The following MAP7 variants were observed in gnomAD, a reference collection of about 807,000 sequenced individuals.
MAP7 encodes the protein ensconsin.
In MAP7, 52 loss-of-function variants were observed where a neutral mutation model predicts 94.8. That is an observed-to-expected ratio of 0.55 (90% CI 0.44 to 0.69). The LOEUF (loss-of-function observed/expected upper bound fraction) is 0.69, where lower values mean the gene tolerates loss of function less well. Among genes scored for constraint, MAP7 ranks in the 30% least tolerant of loss-of-function variants. MAP7 has a pLI of 0.00. For synonymous variants in MAP7, 350 were observed against 357.0 expected (o/e 0.98, Z 0.22); for missense variants, 940 against 964.6 (o/e 0.97, Z 0.34).
intron 6 of MAP7, among the ~76,000 whole-genome samples, chr6:136,383,213 A>G (rs1266821828): frequency 6.6e-6 from 1 of 152,256 alleles, no homozygotes; most frequent in Non-Finnish European, 1.5e-5. Flanking sequence ...ATTTGGTTAA[A>G]TGAGAAGTAA....
chr6:136,455,875 AT>A (rs569510228), intron 1 of MAP7, among the ~76,000 whole-genome samples: 102 of 152,322 alleles, frequency 6.7e-4, no homozygotes, highest in African/African-American at 2.2e-3. Context: ...GAAAATTTCC[AT>A]TTGTAGAGAT....
At chr6:136,480,606 C>A (rs1485018673) in intron 1 of MAP7, among the ~76,000 whole-genome samples, 1 of 130,158 alleles carries the variant, frequency 7.7e-6, no homozygotes, top group Non-Finnish European at 1.6e-5. Context: ...TGCGCCACTG[C>A]ACTCCAGCCT....
Position 136,360,999 on chromosome 6 carries a change from C to G in MAP7, c.1701+6G>C, listed in dbSNP as rs367719327. On this transcript the variant is annotated splice_donor_region_variant and intron_variant, in intron 12 of 17. Coordinates refer to ENST00000354570, the MANE Select transcript of MAP7 (RefSeq NM_003980.6). ...GGGCCGGGGCCAGGGTGGGGTGCGG[C>G]CGCACCTGCCTCTGGGCGCGCTCTG... is the stretch of plus-strand genomic sequence containing the variant. The G allele has an allele frequency of 1.1e-4, 174 of 1,562,518 alleles. 1 individual carries two copies. The African/African-American group carries it at 2.2e-3, about 20-fold the overall frequency.
intron 15 of MAP7, 37 bp from the exon 16 acceptor site, chr6:136,356,831 A>G: frequency 1.3e-6 from 2 of 1,536,414 alleles, no homozygotes; most frequent in Non-Finnish European, 1.8e-6. Flanking sequence ...CAGGGTTACT[A>G]ATATTCTTTT....
chr6:136,405,387 C>T (rs373634220), intron 3 of MAP7, among the ~76,000 whole-genome samples: 46 of 152,222 alleles, frequency 3.0e-4, no homozygotes, highest in African/African-American at 8.2e-4. Flanking sequence ...GAGAAGGCCT[C>T]GCTGAGAAGG....
intron 1 of MAP7, among the ~76,000 whole-genome samples, chr6:136,530,173 C>T (rs1036534808): frequency 6.6e-6 from 1 of 152,106 alleles, no homozygotes; most frequent in Non-Finnish European, 1.5e-5. Flanking sequence ...GTGAGCTTTA[C>T]AAAAACATTA....
At chr6:136,415,818 A>G (rs970496153) in intron 2 of MAP7, among the ~76,000 whole-genome samples, 26 of 152,340 alleles carry the variant, frequency 1.7e-4, no homozygotes, top group Middle Eastern at 3.4e-3. Flanking sequence ...GTCCATCAAC[A>G]TTAGTGCTGA....
chr6:136,370,585 A>G (rs1035994850), intron 8 of MAP7, among the ~76,000 whole-genome samples: 1 of 152,238 alleles, frequency 6.6e-6, no homozygotes, highest in Non-Finnish European at 1.5e-5. Flanking sequence ...CCTAAAAAGG[A>G]AGGAAATTCT....
intron 3 of MAP7, among the ~76,000 whole-genome samples, chr6:136,408,770 CT>C (rs1280320781): frequency 2.0e-5 from 3 of 151,694 alleles, no homozygotes; most frequent in Admixed American, 6.6e-5. Flanking sequence ...TGCTTTTAAA[CT>C]TTTTTTCTTT....
At chr6:136,495,453 TACACACACACACACACACAC>T (rs55923280) in intron 1 of MAP7, among the ~76,000 whole-genome samples, 1 of 142,932 alleles carries the variant, frequency 7.0e-6, no homozygotes, top group African/African-American at 2.6e-5. Context: ...AGTGTGAGAA[TACACACACACACACACACAC>T]ACACACACAC....
At chr6:136,546,317 T>C (rs1174146321) in intron 1 of MAP7, among the ~76,000 whole-genome samples, 1 of 151,808 alleles carries the variant, frequency 6.6e-6, no homozygotes, top group Non-Finnish European at 1.5e-5. Flanking sequence ...CTGGCCTTTT[T>C]TTTTTTCAAA....
intron 1 of MAP7, among the ~76,000 whole-genome samples, chr6:136,460,216 A>C (rs1466936125): frequency 1.3e-5 from 2 of 152,190 alleles, no homozygotes; most frequent in African/African-American, 4.8e-5. Flanking sequence ...AGTGAAAATA[A>C]ATGTATTTAA....
At chr6:136,344,344 G>T (rs1787112645) in intron 17 of MAP7, 106 bp from the exon 18 acceptor site, 9 of 422,262 alleles carry the variant, frequency 2.1e-5, no homozygotes, top group Non-Finnish European at 3.7e-5. Context: ...TTACTATACT[G>T]TTATATACAC....
At chr6:136,406,010 C>T (rs536100672) in intron 3 of MAP7, among the ~76,000 whole-genome samples, 34 of 152,212 alleles carry the variant, frequency 2.2e-4, no homozygotes, top group South Asian at 1.0e-3. Flanking sequence ...ATACTATCTA[C>T]GCTTTAAATA....
At chr6:136,510,777 T>C (rs773041814) in intron 1 of MAP7, among the ~76,000 whole-genome samples, 4 of 152,090 alleles carry the variant, frequency 2.6e-5, no homozygotes, top group Non-Finnish European at 5.9e-5. Flanking sequence ...AATTAAACTG[T>C]ATCACAGGTA....
At chr6:136,388,584 G>T in intron 4 of MAP7, 74 bp from the exon 5 acceptor site, 1 of 1,111,328 alleles carries the variant, frequency 9.0e-7, no homozygotes, top group East Asian at 2.4e-5. Flanking sequence ...AAGGCAGAAT[G>T]GAGTGAGGAG....
chr6:136,524,318 A>G (rs532327141), intron 1 of MAP7, among the ~76,000 whole-genome samples: 2 of 152,332 alleles, frequency 1.3e-5, no homozygotes, highest in African/African-American at 4.8e-5. Flanking sequence ...AAGACATCCA[A>G]GGAAAAGTAC....
intron 1 of MAP7, among the ~76,000 whole-genome samples, chr6:136,519,516 C>A (rs140275857): frequency 6.6e-6 from 1 of 152,166 alleles, no homozygotes; most frequent in African/African-American, 2.4e-5. Context: ...CAAAAAGATT[C>A]ATGACTTAGA....
Position 136,550,176 on chromosome 6 carries a change from G to A in MAP7, c.67+166C>T, listed in dbSNP as rs555964854. 1.0e-3 allele frequency among the ~76,000 whole-genome samples: 156 copies of A among 150,726 alleles called. No individual in the cohort carries two copies. The highest frequency in any genetic ancestry group is 6.8e-3 in the Middle Eastern group (2 of 292). ...CCGCGGCGGCGAAGGGCGGGGGAAG[G>A]CGCTCTCGGAGCAGGGTGCGCGGCG... On this transcript the variant is annotated intron_variant, in intron 1 of 17. Coordinates refer to ENST00000354570, the MANE Select transcript of MAP7 (RefSeq NM_003980.6). The surrounding 1 kb of genome is among the most constrained non-coding windows in gnomAD (Gnocchi z 5.1).
Sources: allele counts gnomAD v4.1 joint callset (sites outside exome capture counted in the v4.1 genomes callset), GRCh38; gene constraint gnomAD v4.1.1; non-coding constraint Gnocchi (gnomAD v3.1); transcripts MANE v1.5; gene names NCBI Gene and HGNC (gene_info 2026-07-23, HGNC 2026-07-21).